OVCH1: variants seen among roughly 807,000 people sequenced by gnomAD.
OVCH1 encodes ovochymase 1.
OVCH1 carries 139 observed loss-of-function variants against 138.4 expected under a neutral mutation model. That is an observed-to-expected ratio of 1.00 (90% confidence interval 0.87 to 1.16). The LOEUF is 1.16. Among genes scored for constraint, OVCH1 ranks in the 50% most tolerant of loss-of-function variants. OVCH1 has a pLI of 0.00. For missense variants in OVCH1, 1,367 were observed against 1,357.9 expected, an observed-to-expected ratio of 1.01 and a Z score of -0.11; for synonymous variants, 453 against 467.8, an observed-to-expected ratio of 0.97 and a Z score of 0.41.
At chr12:29,404,866 C>A in the OVCH1 span, among the ~76,000 whole-genome samples, 2 of 151,192 alleles carry the variant, frequency 1.3e-5, no homozygotes, top group Non-Finnish European at 3.0e-5. Flanking sequence ...ACTAAAAATG[C>A]AAAAAATTAG....
At chr12:29,491,716 C>T (rs1202455391) in intron 4 of OVCH1, among the ~76,000 whole-genome samples, 1 of 151,372 alleles carries the variant, frequency 6.6e-6, no homozygotes, top group Non-Finnish European at 1.5e-5. Context: ...AGCCCAGTAA[C>T]TCCAACTATG....
intron 14 of OVCH1, 139 bp downstream of exon 14, chr12:29,474,922 G>A: frequency 4.2e-6 from 4 of 962,374 alleles, no homozygotes; most frequent in Non-Finnish European, 5.8e-6. Flanking sequence ...GGTTTCTAGG[G>A]GTGGATCCAG....
downstream of OVCH1, among the ~76,000 whole-genome samples, chr12:29,412,117 G>C (rs1016401182): frequency 6.6e-6 from 1 of 152,108 alleles, no homozygotes; most frequent in African/African-American, 2.4e-5. Context: ...AGCCAGGTGC[G>C]GGATATAATC....
At chr12:29,459,198 C>T (rs1443930164) in intron 19 of OVCH1, among the ~76,000 whole-genome samples, 2 of 152,144 alleles carry the variant, frequency 1.3e-5, no homozygotes, top group African/African-American at 4.8e-5. Context: ...TCTATTGCAA[C>T]ACTATTCACA....
intron 25 of OVCH1, among the ~76,000 whole-genome samples, chr12:29,442,490 G>T (rs1347893500): frequency 9.6e-6 from 1 of 104,286 alleles, no homozygotes; most frequent in Non-Finnish European, 1.8e-5. Flanking sequence ...GGGGAGGGGG[G>T]AGGGATAGCT....
exon 23 of OVCH1, chr12:29,445,395 G>A (rs745519404): frequency 3.7e-6 from 6 of 1,606,936 alleles, no homozygotes; most frequent in Non-Finnish European, 4.3e-6. Context: ...CTTCTTCCAT[G>A]TAATCCACCT....
At chr12:29,426,569 A>C (rs1435732773), downstream of OVCH1, among the ~76,000 whole-genome samples, 2 of 152,216 alleles carry the variant, frequency 1.3e-5, no homozygotes, top group African/African-American at 4.8e-5. Context: ...TGGCCCAAAC[A>C]GATATCTCTC....
intron 6 of OVCH1, among the ~76,000 whole-genome samples, 182 bp from the exon 7 acceptor site, chr12:29,488,064 G>A (rs940361065): frequency 2.0e-5 from 3 of 152,026 alleles, no homozygotes; most frequent in African/African-American, 7.2e-5. Context: ...TAGTTTCAAG[G>A]CAAAATCTTT....
intron 3 of OVCH1, among the ~76,000 whole-genome samples, chr12:29,420,869 CAG>C (rs1486719175): frequency 6.6e-6 from 1 of 152,208 alleles, no homozygotes; most frequent in African/African-American, 2.4e-5. Flanking sequence ...TGTTGAAGGA[CAG>C]AAAGTTTCAT....
chr12:29,488,620 CAAAAAAAA>C (rs67595567), intron 6 of OVCH1, among the ~76,000 whole-genome samples: 1 of 61,732 alleles, frequency 1.6e-5, no homozygotes, highest in African/African-American at 6.8e-5. Flanking sequence ...GACTCCATCT[CAAAAAAAA>C]AAAAAAAAAA....
chr12:29,464,568 G>A (rs773053714), exon 18 of OVCH1: 16 of 1,613,596 alleles, frequency 9.9e-6, no homozygotes, highest in Middle Eastern at 1.7e-4. Context: ...GAGGCTCTGC[G>A]CTGTGTGGGA....
chr12:29,486,032 T>C (rs2136069245), intron 8 of OVCH1, among the ~76,000 whole-genome samples: 1 of 151,982 alleles, frequency 6.6e-6, no homozygotes. Context: ...CTTTTAGCAA[T>C]GGCATGGAAA....
intron 3 of OVCH1, among the ~76,000 whole-genome samples, chr12:29,417,094 GCT>G (rs1941039618): frequency 6.6e-6 from 1 of 152,152 alleles, no homozygotes; most frequent in Non-Finnish European, 1.5e-5. Context: ...ATACTATGCA[GCT>G]CCATTGATTA....
At chr12:29,449,260 CT>C (rs11463087) in intron 22 of OVCH1, among the ~76,000 whole-genome samples, 1 of 147,284 alleles carries the variant, frequency 6.8e-6, no homozygotes, top group Admixed American at 7.0e-5. Context: ...GCCCTCTTGC[CT>C]TTTTCCCCCC....
downstream of OVCH1, among the ~76,000 whole-genome samples, chr12:29,423,621 A>C (rs1443422236): frequency 6.6e-6 from 1 of 152,236 alleles, no homozygotes; most frequent in Non-Finnish European, 1.5e-5. Flanking sequence ...GTAATGGGAC[A>C]ATCTGCTCTA....
chr12:29,447,735 T>C (rs74078154), intron 22 of OVCH1, among the ~76,000 whole-genome samples: 3,905 of 151,920 alleles, frequency 0.026, 152 homozygotes, highest in African/African-American at 0.088. Context: ...GATGGTTTCA[T>C]AGAGAGATCA....
At chr12:29,416,457 G>A (rs753847312) in intron 3 of OVCH1, among the ~76,000 whole-genome samples, 20 of 152,182 alleles carry the variant, frequency 1.3e-4, no homozygotes, top group Non-Finnish European at 1.9e-4. Context: ...CTCAAACTCC[G>A]CACAGTAAGA....
chr12:29,423,263 T>A (rs1265206974), downstream of OVCH1: 1 of 455,844 alleles, frequency 2.2e-6, no homozygotes, highest in Non-Finnish European at 4.4e-6. Context: ...GCACTGGATA[T>A]CAAGATAAAC....
At chr12:29,468,758 G>A (rs967465031) in intron 16 of OVCH1, among the ~76,000 whole-genome samples, 3 of 152,112 alleles carry the variant, frequency 2.0e-5, no homozygotes, top group Non-Finnish European at 4.4e-5. Context: ...CTCATGTTTA[G>A]CTTGATGTAG....
Sources: allele counts gnomAD v4.1 joint callset (sites outside exome capture counted in the v4.1 genomes callset), GRCh38; gene constraint gnomAD v4.1.1; transcripts MANE v1.5; gene names NCBI Gene and HGNC (gene_info 2026-07-23, HGNC 2026-07-21).